EPM2A: variants seen among roughly 807,000 people sequenced by gnomAD.
EPM2A encodes the protein EPM2A glucan phosphatase, laforin, also known as laforin.
Under a neutral mutation model 26.5 loss-of-function variants are expected in EPM2A, and 21 were observed. That is an observed-to-expected ratio of 0.79 (90% CI 0.56 to 1.14). EPM2A has a LOEUF of 1.14. EPM2A is among the 50% of genes most tolerant of loss of function. The pLI is 0.00. For synonymous variants in EPM2A, 217 were observed against 177.6 expected (o/e 1.22, Z -1.76); for missense variants, 458 against 440.8 (o/e 1.04, Z -0.35).
chr6:145,656,238 G>C (rs1048765012), intron 2 of EPM2A, among the ~76,000 whole-genome samples: 7 of 152,176 alleles, frequency 4.6e-5, no homozygotes, highest in African/African-American at 1.7e-4. Flanking sequence ...GCATCTAAGA[G>C]AGAACACTTG....
At position 145,689,157 on chromosome 6, in the gene EPM2A, C is replaced by T. The variant is rs1248493466; in HGVS notation, c.302-2861G>A. Reference sequence around the variant, plus strand: ...TGATTTCTTTAATTACTCATTTTTACACATTTATGTTTTAGGCAACATTTT... The same window carrying T: ...TGATTTCTTTAATTACTCATTTTTATACATTTATGTTTTAGGCAACATTTT... On this transcript the variant is annotated intron_variant, in intron 1 of 3. Coordinates refer to ENST00000367519, the MANE Select transcript of EPM2A (RefSeq NM_005670.4). Among the ~76,000 whole-genome samples, 9 of 152,212 alleles carry T rather than the reference C, an allele frequency of 5.9e-5. No individual in the cohort carries two copies. In the East Asian group the frequency reaches 1.7e-3, roughly 29 times the overall value.
At chr6:145,654,996 C>T (rs575811950) in intron 2 of EPM2A, among the ~76,000 whole-genome samples, 3 of 151,958 alleles carry the variant, frequency 2.0e-5, no homozygotes, top group African/African-American at 7.2e-5. Flanking sequence ...ACATTATTTA[C>T]GATTGTGAGT....
At chr6:145,522,959 C>A (rs998836028) in intron 2 of EPM2A, among the ~76,000 whole-genome samples, 1 of 152,160 alleles carries the variant, frequency 6.6e-6, no homozygotes, top group East Asian at 1.9e-4. Flanking sequence ...ACTTCAAAGA[C>A]AACTCAAGCA....
At chr6:145,434,952 G>A in intron 4 of EPM2A, among the ~76,000 whole-genome samples, 1 of 152,074 alleles carries the variant, frequency 6.6e-6, no homozygotes, top group East Asian at 1.9e-4. Flanking sequence ...TATGAGATCT[G>A]GTTGTTTAAA....
chr6:145,585,212 G>A (rs1781176201), intron 2 of EPM2A, among the ~76,000 whole-genome samples: 1 of 151,840 alleles, frequency 6.6e-6, no homozygotes, highest in Admixed American at 6.6e-5. Context: ...ATGTATCTTG[G>A]TATTGTTTTG....
intron 2 of EPM2A, among the ~76,000 whole-genome samples, chr6:145,648,371 C>G (rs1003854263): frequency 6.6e-6 from 1 of 152,210 alleles, no homozygotes; most frequent in Non-Finnish European, 1.5e-5. Flanking sequence ...AAAGGTCTCA[C>G]TTAAAATGTA....
intron 2 of EPM2A, among the ~76,000 whole-genome samples, chr6:145,669,909 G>A (rs538722267): frequency 1.4e-4 from 21 of 151,962 alleles, no homozygotes; most frequent in African/African-American, 4.3e-4. Flanking sequence ...TCTCATTATC[G>A]TCTGATGACC....
At chr6:145,527,066 T>C (rs1265238428) in intron 2 of EPM2A, among the ~76,000 whole-genome samples, 1 of 152,128 alleles carries the variant, frequency 6.6e-6, no homozygotes, top group Non-Finnish European at 1.5e-5. Flanking sequence ...AAGAGCAAGT[T>C]GTTTAATTTC....
intron 4 of EPM2A, among the ~76,000 whole-genome samples, chr6:145,397,312 A>T (rs1778418593): frequency 6.6e-6 from 1 of 152,100 alleles, no homozygotes; most frequent in Admixed American, 6.6e-5. Flanking sequence ...ATGGTGGCAC[A>T]TGCCTGTAGT....
intron 1 of EPM2A, among the ~76,000 whole-genome samples, chr6:145,701,912 C>A (rs1245124204): frequency 1.4e-4 from 22 of 151,756 alleles, no homozygotes; most frequent in African/African-American, 4.6e-4. Context: ...CACACACACA[C>A]ACAAAAAAAG....
chr6:145,677,915 T>C (rs1024925088), intron 2 of EPM2A, among the ~76,000 whole-genome samples: 2 of 152,168 alleles, frequency 1.3e-5, no homozygotes, highest in African/African-American at 4.8e-5. Flanking sequence ...CTTCACAGAA[T>C]TGTAAAAAAC....
chr6:145,672,844 A>G (rs1018265992), intron 2 of EPM2A, among the ~76,000 whole-genome samples: 11 of 152,224 alleles, frequency 7.2e-5, no homozygotes, highest in African/African-American at 2.4e-4. Flanking sequence ...CTTGTCTAGG[A>G]AAAAAAAGTA....
intron 2 of EPM2A, among the ~76,000 whole-genome samples, chr6:145,614,927 C>T (rs1041563613): frequency 2.6e-5 from 4 of 152,154 alleles, no homozygotes; most frequent in African/African-American, 9.7e-5. Context: ...ATGGTTGCCA[C>T]AAACCTTTAA....
upstream of EPM2A, chr6:145,735,879 T>G (rs1776851385): frequency 6.6e-6 from 1 of 152,536 alleles, no homozygotes; most frequent in African/African-American, 2.4e-5. Context: ...GGAAATTAAC[T>G]TTATGAGGAT....
chr6:145,725,162 G>A (rs974313601), intron 1 of EPM2A, among the ~76,000 whole-genome samples: 1 of 151,838 alleles, frequency 6.6e-6, no homozygotes, highest in African/African-American at 2.4e-5. Flanking sequence ...GACACCCAAA[G>A]AATATATACA....
chr6:145,602,781 C>T (rs950247725), intron 2 of EPM2A, among the ~76,000 whole-genome samples: 8 of 152,014 alleles, frequency 5.3e-5, no homozygotes, highest in African/African-American at 1.9e-4. Context: ...AAAAGTGTTA[C>T]GGAGGGGAAA....
At chr6:145,735,694 A>AG, upstream of EPM2A, 2 of 1,052,142 alleles carry the variant, frequency 1.9e-6, no homozygotes, top group Non-Finnish European at 2.3e-6. Flanking sequence ...GCCGGCGGGA[A>AG]GGGGTCAGCG....
At chr6:145,458,558 G>T (rs1248876614) in intron 4 of EPM2A, among the ~76,000 whole-genome samples, 1 of 152,248 alleles carries the variant, frequency 6.6e-6, no homozygotes, top group Non-Finnish European at 1.5e-5. Context: ...AGTTACAAAA[G>T]TCTCCCTGTA....
At chr6:145,560,462 A>G (rs932712665) in intron 2 of EPM2A, among the ~76,000 whole-genome samples, 7 of 152,142 alleles carry the variant, frequency 4.6e-5, no homozygotes, top group African/African-American at 1.7e-4. Context: ...GGTAAACTCA[A>G]TTCTGTTTTC....
Sources: allele counts gnomAD v4.1 joint callset (sites outside exome capture counted in the v4.1 genomes callset), GRCh38; gene constraint gnomAD v4.1.1; transcripts MANE v1.5; gene names NCBI Gene and HGNC (gene_info 2026-07-23, HGNC 2026-07-21).